Variants in ESYT2 observed in about 807,000 individuals in gnomAD.
ESYT2 encodes the protein extended synaptotagmin-2.
Under a neutral mutation model 107.2 loss-of-function variants are expected in ESYT2, and 54 were observed. The observed-to-expected ratio is 0.50, with a 90% confidence interval of 0.40 to 0.63. The LOEUF is 0.63. ESYT2 is among the 30% of genes least tolerant of loss of function. ESYT2 has a pLI of 0.00. For missense variants in ESYT2, 1,020 were observed against 1,094.5 expected, an observed-to-expected ratio of 0.93 and a Z score of 0.96; for synonymous variants, 491 against 434.1, an observed-to-expected ratio of 1.13 and a Z score of -1.63.
intron 11 of ESYT2, 147 bp downstream of exon 11, chr7:158,761,349 A>G (rs1032155808): frequency 6.1e-6 from 4 of 653,824 alleles, no homozygotes; most frequent in Non-Finnish European, 1.1e-5. Flanking sequence ...CTAAATTCTT[A>G]GTATATGTTA....
At chr7:158,753,443 T>C (rs1837648159) in intron 13 of ESYT2, among the ~76,000 whole-genome samples, 3 of 152,204 alleles carry the variant, frequency 2.0e-5, no homozygotes, top group Admixed American at 2.0e-4. Context: ...TGTTTACTTT[T>C]ATTGATTTTT....
At chr7:158,747,924 T>A (rs962249312) in intron 16 of ESYT2, among the ~76,000 whole-genome samples, 1 of 152,340 alleles carries the variant, frequency 6.6e-6, no homozygotes, top group South Asian at 2.1e-4. Context: ...AGAATAATTA[T>A]CACCAGAGAA....
chr7:158,811,388 T>C (rs928515132), intron 1 of ESYT2, among the ~76,000 whole-genome samples: 1 of 152,168 alleles, frequency 6.6e-6, no homozygotes, highest in Non-Finnish European at 1.5e-5. Context: ...AGCTATCTGG[T>C]CCTTAAAGAG....
At chr7:158,742,477 C>T (rs1837249141) in intron 17 of ESYT2, among the ~76,000 whole-genome samples, 2 of 152,226 alleles carry the variant, frequency 1.3e-5, no homozygotes, top group South Asian at 4.1e-4. Flanking sequence ...AGCCCAGAGT[C>T]GCATTTCCTC....
At chr7:158,769,945 G>C (rs1225069115) in intron 7 of ESYT2, among the ~76,000 whole-genome samples, 1 of 151,530 alleles carries the variant, frequency 6.6e-6, no homozygotes, top group African/African-American at 2.4e-5. Flanking sequence ...TTTTTTTTGA[G>C]ACAGAGTCTC....
At position 158,737,310 on chromosome 7, in the gene ESYT2, T is replaced by G; in HGVS notation, c.2268-131A>C. 2.4e-6 allele frequency: 3 copies of G among 1,225,568 alleles called. No homozygotes were observed. The South Asian group carries it at 4.8e-5, about 20-fold the overall frequency. 75.9% of individuals were successfully genotyped at this position (1,225,568 alleles called of 1,614,324 possible). On this transcript the variant is annotated intron_variant, in intron 19 of 22. Transcript: ENST00000275418. ...AACCGAGAAGCAACAAGGAACAGAA[T>G]GCGTGAGGCGCTTTTGCCTCCCCCG...
chr7:158,761,988 T>G (rs1837982276), intron 10 of ESYT2, among the ~76,000 whole-genome samples: 1 of 152,202 alleles, frequency 6.6e-6, no homozygotes, highest in Non-Finnish European at 1.5e-5. Flanking sequence ...TGTGGATTCC[T>G]CACTCGCACA....
chr7:158,751,139 T>C (rs1443904258), intron 14 of ESYT2, among the ~76,000 whole-genome samples: 1 of 152,210 alleles, frequency 6.6e-6, no homozygotes, highest in Non-Finnish European at 1.5e-5. Context: ...CGATAATATA[T>C]ACCTTTTTGG....
intron 1 of ESYT2, among the ~76,000 whole-genome samples, chr7:158,800,336 C>T (rs984553914): frequency 2.5e-4 from 38 of 151,948 alleles, no homozygotes; most frequent in African/African-American, 7.3e-4. Context: ...TGTGAGCCAC[C>T]GATCCCGGCC....
chr7:158,819,192 C>G (rs1164588067), intron 1 of ESYT2, among the ~76,000 whole-genome samples: 2 of 152,230 alleles, frequency 1.3e-5, no homozygotes, highest in African/African-American at 2.4e-5. Context: ...GATAAATCCT[C>G]TGTCTTTTAA....
At chr7:158,804,968 TACG>T in intron 1 of ESYT2, among the ~76,000 whole-genome samples, 1 of 152,276 alleles carries the variant, frequency 6.6e-6, no homozygotes, top group Non-Finnish European at 1.5e-5. Flanking sequence ...ATTATCAGAT[TACG>T]ATGAGAAAAA....
chr7:158,828,467 G>A (rs531432990), intron 1 of ESYT2, among the ~76,000 whole-genome samples: 19 of 152,370 alleles, frequency 1.2e-4, no homozygotes, highest in Non-Finnish European at 2.4e-4. Context: ...CGGCCGAAGA[G>A]GGGGCGCCAA....
chr7:158,824,308 G>A (rs911419631), intron 1 of ESYT2, among the ~76,000 whole-genome samples: 3 of 152,322 alleles, frequency 2.0e-5, no homozygotes, highest in Non-Finnish European at 2.9e-5. Context: ...TGCTGAAGAA[G>A]CACTTGTTTA....
At chr7:158,820,960 A>G (rs947699747) in intron 1 of ESYT2, among the ~76,000 whole-genome samples, 5 of 152,224 alleles carry the variant, frequency 3.3e-5, no homozygotes, top group Non-Finnish European at 5.9e-5. Context: ...GAACATAGCA[A>G]ATGCCTAATA....
intron 14 of ESYT2, among the ~76,000 whole-genome samples, chr7:158,752,139 A>G (rs73729981): frequency 0.11 from 16,803 of 152,200 alleles, 1,402 homozygotes; most frequent in East Asian, 0.43. Context: ...CTCTCCCTAA[A>G]ATTTAAGCCT....
chr7:158,811,348 G>A (rs949240400), intron 1 of ESYT2, among the ~76,000 whole-genome samples: 4 of 152,090 alleles, frequency 2.6e-5, no homozygotes, highest in Non-Finnish European at 5.9e-5. Flanking sequence ...CCTTGTTCGT[G>A]GCTTAACCAA....
At chr7:158,808,806 TAAAA>T (rs56268365) in intron 1 of ESYT2, among the ~76,000 whole-genome samples, 1 of 138,270 alleles carries the variant, frequency 7.2e-6, no homozygotes, top group Non-Finnish European at 1.6e-5. Flanking sequence ...CCATCTCTAC[TAAAA>T]AAAAAAAAAA....
At chr7:158,806,041 G>A (rs928968767) in intron 1 of ESYT2, among the ~76,000 whole-genome samples, 1 of 152,228 alleles carries the variant, frequency 6.6e-6, no homozygotes. Context: ...CCTGAAGGAG[G>A]ACACTAGCAG....
At chr7:158,812,134 C>T (rs1840009769) in intron 1 of ESYT2, among the ~76,000 whole-genome samples, 1 of 152,218 alleles carries the variant, frequency 6.6e-6, no homozygotes, top group South Asian at 2.1e-4. Flanking sequence ...CAGACCCACC[C>T]TGGAGAGGGC....
Sources: allele counts gnomAD v4.1 joint callset (sites outside exome capture counted in the v4.1 genomes callset), GRCh38; gene constraint gnomAD v4.1.1; transcripts MANE v1.5; gene names NCBI Gene and HGNC (gene_info 2026-07-23, HGNC 2026-07-21).